The following IGSF21 variants were observed in gnomAD, a reference collection of about 807,000 sequenced individuals.
IGSF21 encodes immunoglobulin superfamily member 21.
Under a neutral mutation model 46.8 loss-of-function variants are expected in IGSF21, and 28 were observed. The observed-to-expected ratio is 0.60, with a 90% CI of 0.44 to 0.82. The LOEUF (loss-of-function observed/expected upper bound fraction) is 0.82. IGSF21 is among the 40% of genes least tolerant of loss of function. IGSF21 has a pLI of 0.00. For missense variants in IGSF21, 624 were observed against 665.5 expected (o/e 0.94, Z 0.69); for synonymous variants, 284 against 273.6 (o/e 1.04, Z -0.38).
intron 1 of IGSF21, among the ~76,000 whole-genome samples, chr1:18,128,048 T>A (rs1349869898): frequency 6.6e-6 from 1 of 152,352 alleles, no homozygotes; most frequent in Non-Finnish European, 1.5e-5. Flanking sequence ...AGATTAGTGA[T>A]ACTCTTGGAT....
chr1:18,251,348 C>A (rs1188133614), intron 2 of IGSF21, among the ~76,000 whole-genome samples: 1 of 152,138 alleles, frequency 6.6e-6, no homozygotes, highest in African/African-American at 2.4e-5. Context: ...GCCCCACTAA[C>A]AAAATAATCC....
chr1:18,274,460 A>G (rs556271830), intron 2 of IGSF21, among the ~76,000 whole-genome samples: 1 of 152,384 alleles, frequency 6.6e-6, no homozygotes, highest in South Asian at 2.1e-4. Flanking sequence ...TATAAGCTAG[A>G]CCAGGGGTTG....
intron 3 of IGSF21, among the ~76,000 whole-genome samples, chr1:18,332,046 A>G (rs2085718469): frequency 6.6e-6 from 1 of 152,212 alleles, no homozygotes. Flanking sequence ...TAAAGCAGCA[A>G]TCCCGGTGTA....
intron 1 of IGSF21, among the ~76,000 whole-genome samples, chr1:18,140,010 G>A (rs1423195418): frequency 2.6e-5 from 4 of 152,130 alleles, no homozygotes; most frequent in African/African-American, 4.8e-5. Flanking sequence ...GCAGTGGTGC[G>A]ATCACGGCTC....
intron 1 of IGSF21, among the ~76,000 whole-genome samples, chr1:18,170,364 A>C (rs2124457650): frequency 6.6e-6 from 1 of 152,174 alleles, no homozygotes; most frequent in East Asian, 1.9e-4. Context: ...GGTGGCTCCC[A>C]AATGGCCAAC....
At chr1:18,191,581 G>C (rs908559434) in intron 1 of IGSF21, among the ~76,000 whole-genome samples, 20 of 152,244 alleles carry the variant, frequency 1.3e-4, no homozygotes, top group Admixed American at 8.5e-4. Flanking sequence ...TACACGGGGT[G>C]TGTATCCCCT....
chr1:18,284,732 C>G (rs1310662707), intron 2 of IGSF21, among the ~76,000 whole-genome samples: 1 of 152,184 alleles, frequency 6.6e-6, no homozygotes, highest in Admixed American at 6.5e-5. Flanking sequence ...ATTTAATGCC[C>G]TTTTCCCCTA....
At chr1:18,185,470 A>G (rs768701219) in intron 1 of IGSF21, among the ~76,000 whole-genome samples, 26 of 152,196 alleles carry the variant, frequency 1.7e-4, no homozygotes, top group East Asian at 1.9e-4. Flanking sequence ...ATCCACATGA[A>G]TTTGTAATTC....
chr1:18,273,464 CTTTCTT>C (rs1229236268), intron 2 of IGSF21, among the ~76,000 whole-genome samples: 1 of 12,038 alleles, frequency 8.3e-5, no homozygotes, highest in Non-Finnish European at 2.7e-4. Context: ...CTTTCTCTCT[CTTTCTT>C]TCTTTCTTTC....
At position 18,290,706 on chromosome 1, in the gene IGSF21, G is replaced by A. The variant is rs1236551140; in HGVS notation, c.184-1160G>A. The stretch of plus-strand genomic sequence containing the variant: ...AGGAGCCCAGCTGTGTCTAGGGCCA[G>A]TACTCCCAGGCAGGTGACAGGGGGA... On this transcript the variant is annotated intron_variant, in intron 2 of 9. Transcript: ENST00000251296. The surrounding 1 kb of genome is among the most constrained non-coding windows in gnomAD (Gnocchi z 4.2). Among the ~76,000 whole-genome samples, 1 of 152,136 alleles carries A rather than the reference G, an allele frequency of 6.6e-6. No homozygotes were observed. Among genetic ancestry groups the A allele is most frequent in the Non-Finnish European group, 1.5e-5 (1 of 68,020 alleles).
At chr1:18,113,992 T>C (rs917448832) in intron 1 of IGSF21, 2 of 152,230 alleles carry the variant, frequency 1.3e-5, no homozygotes, top group Non-Finnish European at 2.9e-5. Flanking sequence ...ATTTTTTGGC[T>C]TGAGAGTCTA....
intron 2 of IGSF21, among the ~76,000 whole-genome samples, chr1:18,274,868 A>T (rs965828816): frequency 6.6e-6 from 1 of 152,192 alleles, no homozygotes; most frequent in Non-Finnish European, 1.5e-5. Context: ...TCTACTAAAA[A>T]TATGAAAATT....
At chr1:18,126,725 A>G (rs2086277061) in intron 1 of IGSF21, among the ~76,000 whole-genome samples, 2 of 151,888 alleles carry the variant, frequency 1.3e-5, no homozygotes, top group South Asian at 4.2e-4. Flanking sequence ...TTATGATCCC[A>G]TGCTTCGTTA....
intron 3 of IGSF21, among the ~76,000 whole-genome samples, chr1:18,308,405 G>T (rs1418353828): frequency 6.6e-6 from 1 of 152,174 alleles, no homozygotes; most frequent in Non-Finnish European, 1.5e-5. Flanking sequence ...GAGGCCAAGT[G>T]CGGCGGGATG....
intron 1 of IGSF21, among the ~76,000 whole-genome samples, chr1:18,224,130 G>A (rs1280816015): frequency 6.6e-6 from 1 of 152,174 alleles, no homozygotes; most frequent in African/African-American, 2.4e-5. Context: ...CAATGAGACG[G>A]TGTCCTTTAA....
At chr1:18,151,831 T>C (rs774648989) in intron 1 of IGSF21, among the ~76,000 whole-genome samples, 1 of 152,164 alleles carries the variant, frequency 6.6e-6, no homozygotes, top group African/African-American at 2.4e-5. Context: ...ATCCTAGTAG[T>C]GCTTCTCATC....
At chr1:18,160,535 C>A (rs139525630) in intron 1 of IGSF21, among the ~76,000 whole-genome samples, 126 of 151,984 alleles carry the variant, frequency 8.3e-4, no homozygotes, top group South Asian at 1.3e-3. Context: ...TCTAGCTGGG[C>A]GAACTTGTGT....
chr1:18,193,851 A>C (rs2086981664), intron 1 of IGSF21, among the ~76,000 whole-genome samples: 1 of 152,172 alleles, frequency 6.6e-6, no homozygotes, highest in Non-Finnish European at 1.5e-5. Flanking sequence ...TGCTTATGTA[A>C]CATACAAATA....
rs549809587 is a variant in IGSF21 at position 18,235,672 on chromosome 1, C to G, written c.183+7662C>G. Among the ~76,000 whole-genome samples, 25 of 152,260 alleles carry G rather than the reference C, an allele frequency of 1.6e-4. 1 individual carries two copies. In the South Asian group the frequency reaches 5.0e-3, roughly 30 times the overall value. ...TGATGTTGGAAAAATGGGCAGAGACCGTTCATACCAGGCCCTGTGCTGTAA... is the reference window on the plus strand; with the variant it reads ...TGATGTTGGAAAAATGGGCAGAGACGGTTCATACCAGGCCCTGTGCTGTAA... On this transcript the variant is annotated intron_variant, in intron 2 of 9. Coordinates refer to ENST00000251296, the MANE Select transcript of IGSF21 (RefSeq NM_032880.5).
Sources: gnomAD v4.1 joint callset for allele counts (sites outside exome capture counted in the v4.1 genomes callset) on GRCh38, gnomAD v4.1.1 for gene constraint, Gnocchi (gnomAD v3.1) non-coding constraint, MANE v1.5 for transcripts, NCBI Gene and HGNC (gene_info 2026-07-23, HGNC 2026-07-21) for gene names.